RANBP17: variants seen among roughly 807,000 people sequenced by gnomAD.
The protein encoded by RANBP17 is RAN binding protein 17.
RANBP17 carries 158 observed loss-of-function variants against 141.2 expected under a neutral mutation model. That is an observed-to-expected ratio of 1.12 (90% CI 0.98 to 1.28). The LOEUF is 1.28. Among genes scored for constraint, RANBP17 ranks in the 50% most tolerant of loss-of-function variants. The pLI, the probability that RANBP17 is intolerant of heterozygous loss-of-function variation, is 0.00. For synonymous variants in RANBP17, 430 were observed against 450.0 expected, an observed-to-expected ratio of 0.96 and a Z score of 0.56; for missense variants, 1,438 against 1,290.7, an observed-to-expected ratio of 1.11 and a Z score of -1.75.
At chr5:171,033,842 A>G (rs192576740) in intron 14 of RANBP17, among the ~76,000 whole-genome samples, 8 of 152,300 alleles carry the variant, frequency 5.3e-5, no homozygotes, top group Admixed American at 3.9e-4. Context: ...TTCTCAGTGC[A>G]GAGTGGTTTT....
intron 16 of RANBP17, among the ~76,000 whole-genome samples, chr5:171,172,833 C>T (rs980104838): frequency 1.3e-5 from 2 of 151,522 alleles, no homozygotes; most frequent in African/African-American, 4.8e-5. Context: ...TTTTTCTATC[C>T]TATTAAGCCT....
At chr5:170,885,226 A>G (rs1436403913) in intron 3 of RANBP17, among the ~76,000 whole-genome samples, 2 of 152,236 alleles carry the variant, frequency 1.3e-5, no homozygotes, top group Non-Finnish European at 2.9e-5. Flanking sequence ...GCAGTAAAGT[A>G]CAGAAGTTTT....
At chr5:171,213,240 T>C (rs1316005059) in intron 20 of RANBP17, among the ~76,000 whole-genome samples, 2 of 150,998 alleles carry the variant, frequency 1.3e-5, no homozygotes, top group African/African-American at 2.5e-5. Flanking sequence ...AAGAAACTGA[T>C]AATAATAACT....
chr5:170,982,613 G>A (rs1777852603), intron 14 of RANBP17, among the ~76,000 whole-genome samples: 1 of 152,140 alleles, frequency 6.6e-6, no homozygotes, highest in African/African-American at 2.4e-5. Flanking sequence ...TAATAGGAGA[G>A]AAAATAGAGA....
chr5:171,007,577 G>A (rs1014379861), intron 14 of RANBP17, among the ~76,000 whole-genome samples: 1 of 152,030 alleles, frequency 6.6e-6, no homozygotes, highest in Admixed American at 6.5e-5. Context: ...GGAGGATTTG[G>A]GACAAGTTGC....
chr5:171,093,707 AGTAT>A (rs1786478977), intron 14 of RANBP17, among the ~76,000 whole-genome samples: 3 of 152,228 alleles, frequency 2.0e-5, no homozygotes, highest in Non-Finnish European at 2.9e-5. Context: ...AATCAGATTA[AGTAT>A]GTATGTATCA....
At chr5:171,006,197 C>T (rs577855794) in intron 14 of RANBP17, among the ~76,000 whole-genome samples, 4 of 152,124 alleles carry the variant, frequency 2.6e-5, no homozygotes, top group Non-Finnish European at 5.9e-5. Flanking sequence ...GCGATTCCTT[C>T]GGGATCTAGA....
intron 19 of RANBP17, among the ~76,000 whole-genome samples, chr5:171,204,549 T>C (rs1762466253): frequency 6.6e-6 from 1 of 152,172 alleles, no homozygotes; most frequent in Non-Finnish European, 1.5e-5. Context: ...AACAGTATCT[T>C]TAGAAGTCAC....
intron 14 of RANBP17, among the ~76,000 whole-genome samples, chr5:170,992,228 G>A (rs964339754): frequency 6.6e-6 from 1 of 151,770 alleles, no homozygotes; most frequent in South Asian, 2.1e-4. Context: ...TATCCTTTTC[G>A]GGGGTAGTAG....
intron 15 of RANBP17, among the ~76,000 whole-genome samples, chr5:171,170,781 A>G (rs1266829678): frequency 6.6e-6 from 1 of 152,110 alleles, no homozygotes; most frequent in Non-Finnish European, 1.5e-5. Flanking sequence ...TCTTGATTGC[A>G]GACAGCAAAG....
At chr5:171,234,922 A>G (rs1166591972) in intron 22 of RANBP17, among the ~76,000 whole-genome samples, 2 of 152,208 alleles carry the variant, frequency 1.3e-5, no homozygotes, top group Admixed American at 1.3e-4. Flanking sequence ...AAGAACTAGG[A>G]ATGAGTGTGC....
In RANBP17 at chr5:170,881,894, TC is replaced by T; in HGVS notation, c.255del (p.Arg86GlufsTer5). ...SPLPVEQRMDIRNYILNYVAS... is the reference protein window; with the variant it reads ...SPLPVEQRMDXRNYILNYVAS... ...TTACCTGTTGAGCAGAGGATGGACA[TC>T]AGTAAGTGGCTTATTATGCTTTTTA... On this transcript the variant is annotated frameshift_variant and splice_region_variant, in exon 3 of 28. Coordinates refer to ENST00000523189, the MANE Select transcript of RANBP17 (RefSeq NM_022897.5). LOFTEE classifies it high-confidence loss of function. 1 of 1,591,132 alleles carries T rather than the reference TC, an allele frequency of 6.3e-7. No individual in the cohort carries two copies. Among genetic ancestry groups the T allele is most frequent in the South Asian group, 1.2e-5 (1 of 86,530 alleles).
At chr5:170,961,742 A>G (rs1776161645) in intron 13 of RANBP17, among the ~76,000 whole-genome samples, 1 of 152,208 alleles carries the variant, frequency 6.6e-6, no homozygotes, top group South Asian at 2.1e-4. Context: ...CAAAAGGAAT[A>G]CTTAACCTGT....
intron 27 of RANBP17, 50 bp downstream of exon 27, chr5:171,296,064 T>G: frequency 6.3e-7 from 1 of 1,582,028 alleles, no homozygotes; most frequent in Non-Finnish European, 8.6e-7. Flanking sequence ...CATTCCAGGT[T>G]TGTTGAAAAT....
At chr5:171,106,986 G>A (rs1465324415) in intron 14 of RANBP17, among the ~76,000 whole-genome samples, 1 of 152,104 alleles carries the variant, frequency 6.6e-6, no homozygotes, top group South Asian at 2.1e-4. Context: ...AACCAATTAG[G>A]TCAAAATTTC....
chr5:170,945,170 A>G (rs192178808), intron 12 of RANBP17, among the ~76,000 whole-genome samples: 4 of 152,038 alleles, frequency 2.6e-5, no homozygotes, highest in East Asian at 3.9e-4. Flanking sequence ...TGTTTGTTTT[A>G]CTAACAGCAT....
chr5:171,151,710 A>C (rs1208200937), intron 14 of RANBP17, among the ~76,000 whole-genome samples: 1 of 152,174 alleles, frequency 6.6e-6, no homozygotes, highest in Non-Finnish European at 1.5e-5. Flanking sequence ...ATTCTTATAT[A>C]ATTAACCTAG....
chr5:171,104,893 T>C (rs1032842476), intron 14 of RANBP17, among the ~76,000 whole-genome samples: 1 of 152,162 alleles, frequency 6.6e-6, no homozygotes, highest in Non-Finnish European at 1.5e-5. Context: ...TATTATCAAC[T>C]TTGAATATAG....
intron 14 of RANBP17, among the ~76,000 whole-genome samples, chr5:171,156,597 A>AT (rs1758919647): frequency 1.3e-5 from 2 of 152,158 alleles, no homozygotes; most frequent in Non-Finnish European, 2.9e-5. Context: ...TAGACATTTC[A>AT]TATGATGTAC....
Sources: allele counts gnomAD v4.1 joint callset (sites outside exome capture counted in the v4.1 genomes callset), GRCh38; gene constraint gnomAD v4.1.1; transcripts MANE v1.5; gene names NCBI Gene and HGNC (gene_info 2026-07-23, HGNC 2026-07-21).